MYO7B: variants seen among roughly 807,000 people sequenced by gnomAD.
MYO7B encodes unconventional myosin-VIIb.
Under a neutral mutation model 259.7 loss-of-function variants are expected in MYO7B, and 212 were observed. The observed-to-expected ratio is 0.82, with a 90% confidence interval of 0.73 to 0.91. MYO7B has a LOEUF of 0.91. Ranked by LOEUF, MYO7B falls within the 40% of genes least tolerant of loss-of-function variation. MYO7B has a pLI of 0.00. For synonymous variants in MYO7B, 1,197 were observed against 1,166.4 expected, an observed-to-expected ratio of 1.03 and a Z score of -0.54; for missense variants, 2,732 against 2,813.5, an observed-to-expected ratio of 0.97 and a Z score of 0.66.
At position 127,637,568 on chromosome 2, in the gene MYO7B, C is replaced by T. The variant is rs1573738012; in HGVS notation, c.*151C>T. 3.3e-6 allele frequency: 2 copies of T among 611,060 alleles called. No individual in the cohort carries two copies. The highest frequency in any genetic ancestry group is 5.7e-5 in the East Asian group (2 of 35,208). 37.9% of individuals were successfully genotyped at this position (611,060 alleles called of 1,614,324 possible). On this transcript the variant is annotated 3_prime_UTR_variant, in exon 48 of 48. Transcript: ENST00000409816. ...GCCCACTCAGCCCCGCAGGCGGCCC[C>T]CTCTGTCCTGGGCGCTGCCCAGGGA...
chr2:127,573,737 T>C (rs537281425), intron 6 of MYO7B, among the ~76,000 whole-genome samples, 183 bp from the exon 7 acceptor site: 1 of 152,324 alleles, frequency 6.6e-6, no homozygotes, highest in East Asian at 1.9e-4. Flanking sequence ...CCTCCGAGGT[T>C]TTCCCTGCAT....
At chr2:127,536,472 G>T (rs1337742891) in intron 1 of MYO7B, among the ~76,000 whole-genome samples, 2 of 149,828 alleles carry the variant, frequency 1.3e-5, no homozygotes, top group African/African-American at 2.5e-5. Context: ...TGTGGTGGGG[G>T]GGGGGGTGGG....
rs1317501155 is a variant in MYO7B, at chr2:127,585,238, A to C, written c.1690+325A>C. Among the ~76,000 whole-genome samples the C allele has an allele frequency of 6.6e-6, 1 of 152,150 alleles. No homozygotes were observed. Among genetic ancestry groups the C allele is most frequent in the Non-Finnish European group, 1.5e-5 (1 of 68,020 alleles). On this transcript the variant is annotated intron_variant, in intron 14 of 47. Transcript: ENST00000409816. The surrounding 1 kb of genome is among the most constrained non-coding windows in gnomAD (Gnocchi z 4.3). ...TCGCCACCCCTAAAAGAAACCCCTC[A>C]TGAGCAACCACTCCCATTTCCCCCC...
In MYO7B at chr2:127,536,205, A is replaced by G. The variant is rs147009868; in HGVS notation, c.-24+374A>G. Among the ~76,000 whole-genome samples, 143 of 152,316 alleles carry G rather than the reference A, an allele frequency of 9.4e-4. No individual in the cohort carries two copies. The Middle Eastern group carries it at 0.027, about 29-fold the overall frequency. ...GGACATCATGGATAGCCTGGGTCCC[A>G]TGATGAGCCCCTGCCAGATGTCAGC... On this transcript the variant is annotated intron_variant, in intron 1 of 47. Transcript: ENST00000409816.
At position 127,630,713 on chromosome 2, in the gene MYO7B, G is replaced by A. The variant is rs1681433363; in HGVS notation, c.4807-65G>A. On this transcript the variant is annotated intron_variant, in intron 35 of 47. Transcript: ENST00000409816. ...GTCACTGAGGCTGCCAGGCCGGGAG[G>A]AGCCTGCAGGAAGGGCCTCATGGGC... is the stretch of plus-strand genomic sequence containing the variant. The A allele has an allele frequency of 2.5e-6, 4 of 1,594,352 alleles. No homozygotes were observed. The South Asian group carries it at 3.4e-5, about 13-fold the overall frequency.
intron 4 of MYO7B, among the ~76,000 whole-genome samples, chr2:127,566,140 C>T (rs941251252): frequency 2.0e-5 from 3 of 152,228 alleles, no homozygotes; most frequent in Admixed American, 2.0e-4. Flanking sequence ...ACACCATGGT[C>T]ATGTGGCTTA....
chr2:127,571,626 A>G (rs1334533955), intron 6 of MYO7B, among the ~76,000 whole-genome samples: 1 of 151,660 alleles, frequency 6.6e-6, no homozygotes, highest in Non-Finnish European at 1.5e-5. Context: ...AATTATAGGC[A>G]TGCACCACCA....
chr2:127,584,354 C>G lies in MYO7B; in HGVS notation c.1554+22C>G, dbSNP rs1366373267. 2.5e-6 allele frequency: 4 copies of G among 1,611,144 alleles called. No homozygotes were observed. The highest frequency in any genetic ancestry group is 3.4e-6 in the Non-Finnish European group (4 of 1,177,562). ...GCAGGTGTGTGTTCGGGCCTGCCGA[C>G]CTTCTGGTGGAGGCCCTGCTATGGG... On this transcript the variant is annotated intron_variant, in intron 13 of 47. Coordinates refer to ENST00000409816, the MANE Select transcript of MYO7B (RefSeq NM_001393586.1). The surrounding 1 kb of genome is among the most constrained non-coding windows in gnomAD (Gnocchi z 5.8).
intron 5 of MYO7B, among the ~76,000 whole-genome samples, chr2:127,569,441 G>A (rs916033916): frequency 2.0e-5 from 3 of 152,138 alleles, no homozygotes; most frequent in Non-Finnish European, 2.9e-5. Flanking sequence ...CGAGCCTGCT[G>A]CTGGCCTGTG....
chr2:127,591,999 T>C (rs1031810073), intron 16 of MYO7B, among the ~76,000 whole-genome samples: 2 of 152,252 alleles, frequency 1.3e-5, no homozygotes, highest in Non-Finnish European at 2.9e-5. Context: ...TGAGTAGATT[T>C]ATTTTTTCAT....
At chr2:127,599,668 T>G (rs1679889888) in intron 19 of MYO7B, among the ~76,000 whole-genome samples, 1 of 152,234 alleles carries the variant, frequency 6.6e-6, no homozygotes, top group Non-Finnish European at 1.5e-5. Flanking sequence ...ATTGATGCCC[T>G]TTCTCAAGTC....
chr2:127,583,564 A>G (rs1679186408), intron 12 of MYO7B, among the ~76,000 whole-genome samples: 1 of 152,230 alleles, frequency 6.6e-6, no homozygotes, highest in African/African-American at 2.4e-5. Context: ...GGAGGGACAG[A>G]GACAGAAACT....
At position 127,627,161 on chromosome 2, in the gene MYO7B, A is replaced by T; in HGVS notation, c.4334-23A>T. 6.2e-7 allele frequency: 1 copy of T among 1,604,310 alleles called. No individual in the cohort carries two copies. Among genetic ancestry groups the T allele is most frequent in the South Asian group, 1.1e-5 (1 of 89,736 alleles). ...CACCCAGGGGTCCCATGCAGCCTTC[A>T]CACTGCCGTCTCTCCTGGCCAGGCC... On this transcript the variant is annotated intron_variant, in intron 32 of 47. Coordinates refer to ENST00000409816, the MANE Select transcript of MYO7B (RefSeq NM_001393586.1). This position sits in a 1 kb window ranked among gnomAD's most constrained non-coding sequence, Gnocchi z 5.6.
chr2:127,601,345 A>G (rs188982556), intron 19 of MYO7B, among the ~76,000 whole-genome samples: 12 of 152,308 alleles, frequency 7.9e-5, no homozygotes, highest in African/African-American at 2.6e-4. Context: ...TTGTTGGTTG[A>G]TAGAGGTGTT....
At position 127,611,745 on chromosome 2, in the gene MYO7B, C is replaced by T. The variant is rs553463759; in HGVS notation, c.3193-505C>T. ...CCTCTGCCTAAGGAGAGCAACAGAT[C>T]GTAGTGGCTGCAGCCAGTCCCTCCC... On this transcript the variant is annotated intron_variant, in intron 24 of 47. Coordinates refer to ENST00000409816, the MANE Select transcript of MYO7B (RefSeq NM_001393586.1). The surrounding 1 kb of genome is among the most constrained non-coding windows in gnomAD (Gnocchi z 5.4). Among the ~76,000 whole-genome samples the T allele has an allele frequency of 1.2e-4, 19 of 152,296 alleles. No homozygotes were observed. The South Asian group carries it at 3.7e-3, about 30-fold the overall frequency.
chr2:127,611,435 C>T lies in MYO7B; in HGVS notation c.3193-815C>T, dbSNP rs984854214. Among the ~76,000 whole-genome samples the T allele has an allele frequency of 1.3e-5, 2 of 152,182 alleles. No individual in the cohort carries two copies. The highest frequency in any genetic ancestry group is 4.8e-5 in the African/African-American group (2 of 41,452). On this transcript the variant is annotated intron_variant, in intron 24 of 47. Transcript: ENST00000409816. This position sits in a 1 kb window ranked among gnomAD's most constrained non-coding sequence, Gnocchi z 5.4. ...TGGACATGGGGGGAAGCAGGACTGGCTTCCCAGAGGTCAGATCTCAGGTTT... is the reference window on the plus strand; with the variant it reads ...TGGACATGGGGGGAAGCAGGACTGGTTTCCCAGAGGTCAGATCTCAGGTTT...
chr2:127,623,008 A>G (rs1680913616), intron 28 of MYO7B, among the ~76,000 whole-genome samples, 194 bp from the exon 29 acceptor site: 1 of 152,216 alleles, frequency 6.6e-6, no homozygotes, highest in African/African-American at 2.4e-5. Context: ...TCCAGCGGCA[A>G]ACACCTGTTG....
At chr2:127,544,240 C>G (rs1236756030) in intron 1 of MYO7B, among the ~76,000 whole-genome samples, 2 of 152,086 alleles carry the variant, frequency 1.3e-5, no homozygotes, top group Non-Finnish European at 2.9e-5. Context: ...CCATGTCCAA[C>G]TAATATCTCC....
At chr2:127,633,168 T>C in intron 39 of MYO7B, 90 bp from the exon 40 acceptor site, 1 of 1,005,008 alleles carries the variant, frequency 1.0e-6, no homozygotes, top group Admixed American at 2.3e-5. Flanking sequence ...CTTTTGTTTC[T>C]GGCACATGGT....
Sources: allele counts gnomAD v4.1 joint callset (sites outside exome capture counted in the v4.1 genomes callset), GRCh38; gene constraint gnomAD v4.1.1; non-coding constraint Gnocchi (gnomAD v3.1); transcripts MANE v1.5; gene names NCBI Gene and HGNC (gene_info 2026-07-23, HGNC 2026-07-21).